RXRA: variants seen among roughly 807,000 people sequenced by gnomAD.
RXRA encodes retinoic acid receptor RXR-alpha.
In RXRA, 5 loss-of-function variants were observed where a neutral mutation model predicts 44.5. That is an observed-to-expected ratio of 0.11 (90% confidence interval 0.06 to 0.24). The LOEUF is 0.24. RXRA is among the 10% of genes least tolerant of loss of function. The pLI, the probability that RXRA is intolerant of heterozygous loss-of-function variation, is 1.00. For synonymous variants in RXRA, 291 were observed against 271.4 expected, an observed-to-expected ratio of 1.07 and a Z score of -0.71; for missense variants, 412 against 646.5, an observed-to-expected ratio of 0.64 and a Z score of 3.93.
chr9:134,381,624 C>G (rs909204786), intron 1 of RXRA, among the ~76,000 whole-genome samples: 1 of 152,096 alleles, frequency 6.6e-6, no homozygotes, highest in African/African-American at 2.4e-5. Context: ...CACAAGGCCC[C>G]TCTGGTACAG....
chr9:134,409,139 G>C lies in RXRA; in HGVS notation c.610+20G>C. ...GGGAAGGTAGGCCACGGCGTCGGGT[G>C]GGGGCGCGGGCAGGTGTTGGACAAA... On this transcript the variant is annotated intron_variant, in intron 4 of 9. Transcript: ENST00000481739. 1 of 1,527,672 alleles carries C rather than the reference G, an allele frequency of 6.5e-7. No individual in the cohort carries two copies. The highest frequency in any genetic ancestry group is 8.8e-7 in the Non-Finnish European group (1 of 1,134,838). 94.6% of individuals were successfully genotyped at this position (1,527,672 alleles called of 1,614,324 possible).
rs933995434 is a variant in RXRA at position 134,417,713 on chromosome 9, G to A, written c.780+386G>A. Among the ~76,000 whole-genome samples, 27 of 152,170 alleles carry A rather than the reference G, an allele frequency of 1.8e-4. No individual in the cohort carries two copies. The highest frequency in any genetic ancestry group is 6.3e-4 in the African/African-American group (26 of 41,430). On this transcript the variant is annotated intron_variant, in intron 5 of 9. Transcript: ENST00000481739. The surrounding 1 kb of genome is among the most constrained non-coding windows in gnomAD (Gnocchi z 6.1). The stretch of plus-strand genomic sequence containing the variant: ...CCGGTGCCACTTGGAAAAGGTATGG[G>A]AGGAGGCCGAGCCCCCAGCAAGAGG...
chr9:134,365,981 C>A lies in RXRA; in HGVS notation c.29-35651C>A, dbSNP rs1488228466. Among the ~76,000 whole-genome samples, 1 of 152,222 alleles carries A rather than the reference C, an allele frequency of 6.6e-6. No homozygotes were observed. Among genetic ancestry groups the A allele is most frequent in the East Asian group, 1.9e-4 (1 of 5,166 alleles). ...CCGCTGAGCGACCCCTAGGAGCCGC[C>A]TGTCTTTGCAGGAGCCGCGGGGATC... On this transcript the variant is annotated intron_variant, in intron 1 of 9. Transcript: ENST00000481739. This position sits in a 1 kb window ranked among gnomAD's most constrained non-coding sequence, Gnocchi z 4.0.
chr9:134,400,540 C>T (rs1311459165), intron 1 of RXRA, among the ~76,000 whole-genome samples: 2 of 152,212 alleles, frequency 1.3e-5, no homozygotes, highest in African/African-American at 4.8e-5. Context: ...GGCAGGCAGG[C>T]AGTGCCTCCA....
chr9:134,361,978 C>T (rs971297585), intron 1 of RXRA, among the ~76,000 whole-genome samples: 10 of 152,286 alleles, frequency 6.6e-5, no homozygotes, highest in East Asian at 3.9e-4. Flanking sequence ...CGCCGGGCTC[C>T]GGTCCTCCCC....
Position 134,426,165 on chromosome 9 carries a change from C to A in RXRA, c.911-2943C>A. 2.0e-6 allele frequency: 2 copies of A among 985,386 alleles called. No homozygotes were observed. The highest frequency in any genetic ancestry group is 2.4e-6 in the Non-Finnish European group (2 of 829,932). 61.0% of individuals were successfully genotyped at this position (985,386 alleles called of 1,614,324 possible). On this transcript the variant is annotated intron_variant, in intron 6 of 9. Transcript: ENST00000481739. The surrounding 1 kb of genome is among the most constrained non-coding windows in gnomAD (Gnocchi z 4.6). The stretch of plus-strand genomic sequence containing the variant: ...GCCCCAGGCAAGACTCTTTGTCCTG[C>A]GCTTGGAGCCTGGAGTAAGACCTGG...
intron 7 of RXRA, among the ~76,000 whole-genome samples, chr9:134,430,297 C>G (rs543346112): frequency 1.0e-3 from 152 of 152,282 alleles, no homozygotes; most frequent in African/African-American, 3.4e-3. Context: ...AGGGGCACTG[C>G]GGGGTCCCTT....
At chr9:134,416,921 G>T (rs977010792) in intron 4 of RXRA, among the ~76,000 whole-genome samples, 1 of 152,172 alleles carries the variant, frequency 6.6e-6, no homozygotes, top group African/African-American at 2.4e-5. Context: ...CCCCAGGCAG[G>T]CTCCTGGTGT....
chr9:134,410,773 G>T (rs1455552241), intron 4 of RXRA, among the ~76,000 whole-genome samples: 1 of 152,240 alleles, frequency 6.6e-6, no homozygotes, highest in Non-Finnish European at 1.5e-5. Flanking sequence ...AGCACAGAGA[G>T]CTTGGTTTAG....
At chr9:134,356,828 T>C (rs7041449) in intron 1 of RXRA, among the ~76,000 whole-genome samples, 55,030 of 152,124 alleles carry the variant, frequency 0.36, 13,009 homozygotes, top group African/African-American at 0.68. Context: ...GCCCCTGCCC[T>C]GCCCCAGCCT....
intron 4 of RXRA, among the ~76,000 whole-genome samples, chr9:134,410,181 C>T (rs1457603156): frequency 1.3e-5 from 2 of 152,212 alleles, no homozygotes; most frequent in African/African-American, 4.8e-5. Flanking sequence ...CCTTGGGCTG[C>T]GAGGCTGAGT....
intron 5 of RXRA, among the ~76,000 whole-genome samples, chr9:134,418,621 C>CTGAGG (rs1190183980): frequency 6.6e-6 from 1 of 152,224 alleles, no homozygotes; most frequent in Non-Finnish European, 1.5e-5. Flanking sequence ...TTGGTCTCAG[C>CTGAGG]TGAGGTACCT....
Position 134,408,200 on chromosome 9 carries a change from CT to C in RXRA, c.332del (p.Leu111ArgfsTer57), listed in dbSNP as rs1831088615. 4 of 1,607,948 alleles carry C rather than the reference CT, an allele frequency of 2.5e-6. No individual in the cohort carries two copies. Among genetic ancestry groups the C allele is most frequent in the African/African-American group, 1.3e-5 (1 of 74,762 alleles). On this transcript the variant is annotated frameshift_variant, in exon 3 of 10. Transcript: ENST00000481739. LOFTEE classifies it high-confidence loss of function. Reference protein sequence around the residue: ...VSSSEDIKPPLGLNGVLKVPA... With the variant: ...VSSSEDIKPPXGLNGVLKVPA... Reference sequence around the variant, plus strand: ...CAGCAGCGAGGACATCAAGCCCCCCCTGGGCCTCAATGGCGTCCTCAAGGTC... The same window carrying C: ...CAGCAGCGAGGACATCAAGCCCCCCCGGGCCTCAATGGCGTCCTCAAGGTC...
At position 134,343,720 on chromosome 9, in the gene RXRA, G is replaced by C. The variant is rs563704074; in HGVS notation, c.28+17061G>C. On this transcript the variant is annotated intron_variant, in intron 1 of 9. Coordinates refer to ENST00000481739, the MANE Select transcript of RXRA (RefSeq NM_002957.6). The surrounding 1 kb of genome is among the most constrained non-coding windows in gnomAD (Gnocchi z 4.1). The stretch of plus-strand genomic sequence containing the variant: ...GGACTGCCACGGGCCTGGGGGCCTC[G>C]GGACCAACCCTCCATCCGCCCGTCC... Among the ~76,000 whole-genome samples the C allele has an allele frequency of 2.6e-5, 4 of 152,100 alleles. No homozygotes were observed. The highest frequency in any genetic ancestry group is 7.2e-5 in the African/African-American group (3 of 41,420).
intron 1 of RXRA, among the ~76,000 whole-genome samples, chr9:134,398,793 G>A (rs1034763121): frequency 3.9e-5 from 6 of 152,224 alleles, no homozygotes; most frequent in Admixed American, 3.9e-4. Flanking sequence ...AGAAAGGTGG[G>A]CGGCCTTCCC....
At chr9:134,396,388 G>A (rs114530995) in intron 1 of RXRA, among the ~76,000 whole-genome samples, 58 of 152,160 alleles carry the variant, frequency 3.8e-4, no homozygotes, top group African/African-American at 1.3e-3. Flanking sequence ...CCCCGCCAGC[G>A]CTGCCCTTCT....
chr9:134,394,876 G>A (rs1830855512), intron 1 of RXRA, among the ~76,000 whole-genome samples: 1 of 152,198 alleles, frequency 6.6e-6, no homozygotes, highest in African/African-American at 2.4e-5. Context: ...CAAGGAGGGA[G>A]AGGCCAGTGT....
rs1834911056 is a variant in RXRA at position 134,326,504 on chromosome 9, C to CCG, written c.-122_-121dup. 1 of 142,922 alleles carries CCG rather than the reference C, an allele frequency of 7.0e-6. No homozygotes were observed. Among genetic ancestry groups the CCG allele is most frequent in the African/African-American group, 2.5e-5 (1 of 39,698 alleles). The allele number at this position is 142,922 out of a possible 1,614,324, so 8.9% of individuals were successfully genotyped here. ...GCAACAACTCGCCGCGCCGCGGCCT[C>CCG]CGCGCGCCGCCGCCGCCACCGCAGC... On this transcript the variant is annotated 5_prime_UTR_variant, in exon 1 of 10. Coordinates refer to ENST00000481739, the MANE Select transcript of RXRA (RefSeq NM_002957.6).
intron 1 of RXRA, among the ~76,000 whole-genome samples, chr9:134,361,841 C>G (rs531510130): frequency 4.3e-4 from 65 of 152,300 alleles, no homozygotes; most frequent in African/African-American, 1.5e-3. Context: ...TCCTTCTGGT[C>G]TGACCCAGGT....
Sources: allele counts gnomAD v4.1 joint callset (sites outside exome capture counted in the v4.1 genomes callset), GRCh38; gene constraint gnomAD v4.1.1; non-coding constraint Gnocchi (gnomAD v3.1); transcripts MANE v1.5; gene names NCBI Gene and HGNC (gene_info 2026-07-23, HGNC 2026-07-21).